The following AJAP1 variants were observed in gnomAD, a reference collection of about 807,000 sequenced individuals.
The protein encoded by AJAP1 is adherens junction-associated protein 1.
A neutral mutation model predicts 35.0 loss-of-function variants in AJAP1; 5 were observed. The observed-to-expected ratio is 0.14, with a 90% CI of 0.07 to 0.30. The LOEUF (loss-of-function observed/expected upper bound fraction) is 0.30. Among genes scored for constraint, AJAP1 ranks in the 10% least tolerant of loss-of-function variants. The probability of loss-of-function intolerance (pLI) is 1.00; values close to 1 mark genes in which losing one functional copy is unlikely to be tolerated. For synonymous variants in AJAP1, 284 were observed against 249.3 expected (o/e 1.14, Z -1.31); for missense variants, 586 against 571.0 (o/e 1.03, Z -0.27).
At chr1:4,781,913 A>G (rs565986021) in intron 5 of AJAP1, among the ~76,000 whole-genome samples, 2 of 152,304 alleles carry the variant, frequency 1.3e-5, no homozygotes, top group East Asian at 3.9e-4. Flanking sequence ...GAAGGTGGCA[A>G]TCGCAGTCAG....
In AJAP1 at chr1:4,718,772, C is replaced by T. The variant is rs554791151; in HGVS notation, c.829+6073C>T. Among the ~76,000 whole-genome samples the T allele has an allele frequency of 3.3e-5, 5 of 152,290 alleles. No individual in the cohort carries two copies. In the South Asian group the frequency reaches 6.2e-4, roughly 19 times the overall value. On this transcript the variant is annotated intron_variant, in intron 2 of 5. Transcript: ENST00000378191. The stretch of plus-strand genomic sequence containing the variant: ...CTGGGATTACAGGCATGAGCCACCA[C>T]GCCCGGCCTCCTAAGGCACTTTCTG...
chr1:4,770,068 C>A, intron 3 of AJAP1, 128 bp downstream of exon 3: 1 of 799,130 alleles, frequency 1.3e-6, no homozygotes, highest in Middle Eastern at 3.1e-4. Context: ...GGCAGTTCAG[C>A]TGCCACAGGC....
chr1:4,727,022 C>G (rs1225522935), intron 2 of AJAP1, among the ~76,000 whole-genome samples: 2 of 152,184 alleles, frequency 1.3e-5, no homozygotes, highest in African/African-American at 4.8e-5. Context: ...AGCCCCCCGG[C>G]GTGGGCCACC....
At chr1:4,679,724 C>T (rs752887244) in intron 1 of AJAP1, among the ~76,000 whole-genome samples, 1 of 152,126 alleles carries the variant, frequency 6.6e-6, no homozygotes, top group Non-Finnish European at 1.5e-5. Context: ...ACATGGCCTT[C>T]TCCCATCCAC....
At chr1:4,686,511 G>T (rs1389217422) in intron 1 of AJAP1, among the ~76,000 whole-genome samples, 1 of 152,154 alleles carries the variant, frequency 6.6e-6, no homozygotes, top group Non-Finnish European at 1.5e-5. Flanking sequence ...TAGTTATTCG[G>T]CTTCAATAAG....
At chr1:4,683,493 A>C (rs771618364) in intron 1 of AJAP1, among the ~76,000 whole-genome samples, 2 of 152,326 alleles carry the variant, frequency 1.3e-5, no homozygotes, top group Non-Finnish European at 2.9e-5. Flanking sequence ...GAGCCTGTCC[A>C]TCCATTTCAG....
At chr1:4,711,339 C>T (rs890941948) in intron 1 of AJAP1, among the ~76,000 whole-genome samples, 4 of 152,148 alleles carry the variant, frequency 2.6e-5, no homozygotes, top group Admixed American at 6.5e-5. Context: ...GCTCACGCTG[C>T]GAGGTTTCAA....
chr1:4,654,642 G>A lies in AJAP1; in HGVS notation c.-784G>A, dbSNP rs967323942. 1.5e-4 allele frequency: 23 copies of A among 149,538 alleles called. No individual in the cohort carries two copies. The highest frequency in any genetic ancestry group is 5.6e-4 in the African/African-American group (23 of 41,130). 9.3% of individuals were successfully genotyped at this position (149,538 alleles called of 1,614,324 possible). On this transcript the variant is annotated 5_prime_UTR_variant, in exon 1 of 6. Transcript: ENST00000378191. The surrounding 1 kb of genome is among the most constrained non-coding windows in gnomAD (Gnocchi z 5.1). ...GGAGGGAGGCGGCTGAGCAGCGCGG[G>A]CGGCTCTGCGGCGGGCGCGGTGGGC...
At chr1:4,718,897 G>A (rs962315234) in intron 2 of AJAP1, among the ~76,000 whole-genome samples, 1 of 152,264 alleles carries the variant, frequency 6.6e-6, no homozygotes, top group Admixed American at 6.5e-5. Flanking sequence ...GAAGAGGAAG[G>A]CCTTAATGAA....
At chr1:4,777,007 C>T (rs1484344116) in intron 5 of AJAP1, among the ~76,000 whole-genome samples, 1 of 152,208 alleles carries the variant, frequency 6.6e-6, no homozygotes, top group Admixed American at 6.5e-5. Flanking sequence ...TGCACACAGC[C>T]TCGTTAGTCC....
intron 1 of AJAP1, among the ~76,000 whole-genome samples, chr1:4,666,639 G>A (rs543547894): frequency 1.4e-5 from 2 of 142,548 alleles, no homozygotes; most frequent in East Asian, 4.2e-4. Flanking sequence ...AATCATGGGA[G>A]GGGTGCGGAG....
At chr1:4,709,546 G>A (rs1200586890) in intron 1 of AJAP1, among the ~76,000 whole-genome samples, 1 of 152,194 alleles carries the variant, frequency 6.6e-6, no homozygotes, top group African/African-American at 2.4e-5. Flanking sequence ...TCTTCCTGGG[G>A]CTAGACTCCC....
In AJAP1 at chr1:4,783,957, A is replaced by T. The variant is rs1642118696; in HGVS notation, c.*1472A>T. 6.6e-6 allele frequency: 1 copy of T among 152,172 alleles called. No homozygotes were observed. The highest frequency in any genetic ancestry group is 1.5e-5 in the Non-Finnish European group (1 of 68,030). 9.4% of individuals were successfully genotyped at this position (152,172 alleles called of 1,614,324 possible). Reference sequence around the variant, plus strand: ...ATTGCCTTCCCTTGCGCAGGTGGGCAGGTGTGGCCCGCTTTTTCTAGGGCC... The same window carrying T: ...ATTGCCTTCCCTTGCGCAGGTGGGCTGGTGTGGCCCGCTTTTTCTAGGGCC... On this transcript the variant is annotated 3_prime_UTR_variant, in exon 6 of 6. Coordinates refer to ENST00000378191, the MANE Select transcript of AJAP1 (RefSeq NM_018836.4).
rs1639760771 is a variant in AJAP1, at chr1:4,692,341, A to G, written c.30-19559A>G. 6.6e-6 allele frequency among the ~76,000 whole-genome samples: 1 copy of G among 152,052 alleles called. No individual in the cohort carries two copies. The highest frequency in any genetic ancestry group is 6.6e-5 in the Admixed American group (1 of 15,266). The stretch of plus-strand genomic sequence containing the variant: ...CTCTCCGTCTCTGGGCCCCTCATGC[A>G]GCCCTTTCCCTTCTGGCCTCTCAGC... On this transcript the variant is annotated intron_variant, in intron 1 of 5. Transcript: ENST00000378191. The surrounding 1 kb of genome is among the most constrained non-coding windows in gnomAD (Gnocchi z 4.4).
intron 1 of AJAP1, among the ~76,000 whole-genome samples, chr1:4,668,382 T>G (rs753768502): frequency 5.3e-5 from 8 of 152,006 alleles, no homozygotes; most frequent in African/African-American, 9.7e-5. Context: ...CTGTGTGTTG[T>G]GAGGTTGTAG....
At chr1:4,778,979 G>A (rs548410145) in intron 5 of AJAP1, among the ~76,000 whole-genome samples, 11 of 152,206 alleles carry the variant, frequency 7.2e-5, no homozygotes, top group South Asian at 4.1e-4. Flanking sequence ...GGAGACCCCC[G>A]TTCTCAGGAG....
Position 4,792,126 on chromosome 1 carries a change from AG to A in AJAP1, c.*9643del. The A allele has an allele frequency of 6.6e-6, 1 of 152,264 alleles. No homozygotes were observed. Among genetic ancestry groups the A allele is most frequent in the Middle Eastern group, 3.4e-3 (1 of 294 alleles). The allele number at this position is 152,264 out of a possible 1,614,324, so 9.4% of individuals were successfully genotyped here. Reference sequence around the variant, plus strand: ...TTAACTGTTTATTTATACTTTTACAAGGAGCACTTGTTATTTTTCAAAAGGA... The same window carrying A: ...TTAACTGTTTATTTATACTTTTACAAGAGCACTTGTTATTTTTCAAAAGGA... On this transcript the variant is annotated 3_prime_UTR_variant, in exon 6 of 6. Transcript: ENST00000378191.
chr1:4,755,611 T>C (rs983167889), intron 2 of AJAP1, among the ~76,000 whole-genome samples: 5 of 152,070 alleles, frequency 3.3e-5, no homozygotes, highest in Non-Finnish European at 4.4e-5. Flanking sequence ...GGAAGGCATG[T>C]CTTGGATGTT....
chr1:4,765,081 T>C (rs1225484125), intron 2 of AJAP1, among the ~76,000 whole-genome samples: 1 of 152,144 alleles, frequency 6.6e-6, no homozygotes, highest in East Asian at 1.9e-4. Context: ...CACGCATTAG[T>C]ATACAGTGGC....
Sources: allele counts gnomAD v4.1 joint callset (sites outside exome capture counted in the v4.1 genomes callset), GRCh38; gene constraint gnomAD v4.1.1; non-coding constraint Gnocchi (gnomAD v3.1); transcripts MANE v1.5; gene names NCBI Gene and HGNC (gene_info 2026-07-23, HGNC 2026-07-21).